Variants in PUDP observed in about 807,000 individuals in gnomAD.
PUDP encodes pseudouridine-5'-phosphatase.
In PUDP, 8 loss-of-function variants were observed where a neutral mutation model predicts 9.4. The ratio of observed to expected loss-of-function variants is 0.85; its 90% CI spans 0.50 to 1.53. The LOEUF (loss-of-function observed/expected upper bound fraction) is 1.53, where lower values mean the gene tolerates loss of function less well. PUDP is among the 40% of genes most tolerant of loss of function. The probability of loss-of-function intolerance (pLI) is 0.00; values close to 1 mark genes in which losing one functional copy is unlikely to be tolerated. For missense variants in PUDP, 188 were observed against 189.7 expected, an observed-to-expected ratio of 0.99 and a Z score of 0.05; for synonymous variants, 99 against 80.7, an observed-to-expected ratio of 1.23 and a Z score of -1.22.
At chrX:6,730,436 C>T (rs903838816) in intron 3 of PUDP, among the ~76,000 whole-genome samples, 8 of 112,171 alleles carry the variant, frequency 7.1e-5, no homozygotes, top group African/African-American at 2.6e-4. Flanking sequence ...AATCACAAAA[C>T]TGGGAATCAC....
At chrX:6,894,928 CTTCAAAAAAGAGGGTGTG>C (rs1235775214) in intron 3 of PUDP, among the ~76,000 whole-genome samples, 1 of 111,294 alleles carries the variant, frequency 9.0e-6, no homozygotes, top group Non-Finnish European at 1.9e-5. Context: ...TCAACAATTA[CTTCAAAAAAGAGGGTGTG>C]TTTGGTCTCC....
chrX:7,066,117 T>A (rs1343034748), intron 3 of PUDP, among the ~76,000 whole-genome samples: 1 of 112,000 alleles, frequency 8.9e-6, no homozygotes, highest in African/African-American at 3.2e-5. Context: ...CTAGATTGTA[T>A]TTTTACTGGC....
At chrX:6,914,075 G>A (rs1392695950) in intron 3 of PUDP, among the ~76,000 whole-genome samples, 1 of 106,633 alleles carries the variant, frequency 9.4e-6, no homozygotes, top group Non-Finnish European at 1.9e-5. Context: ...GCTGAGGCAG[G>A]AGAATGGCGT....
At chrX:7,082,850 G>C (rs1931143626) in intron 2 of PUDP, among the ~76,000 whole-genome samples, 1 of 112,901 alleles carries the variant, frequency 8.9e-6, no homozygotes, top group Non-Finnish European at 1.9e-5. Context: ...TGCTTCAAAA[G>C]CTTTGTGTGA....
chrX:6,830,743 T>C (rs1391136060), intron 3 of PUDP, among the ~76,000 whole-genome samples: 1 of 112,263 alleles, frequency 8.9e-6, no homozygotes, highest in Non-Finnish European at 1.9e-5. Flanking sequence ...AGTGTAGTTA[T>C]CAAAATAAAG....
chrX:7,111,182 G>A (rs1932037768), intron 1 of PUDP, among the ~76,000 whole-genome samples: 1 of 111,453 alleles, frequency 9.0e-6, no homozygotes, highest in African/African-American at 3.3e-5. Context: ...TAAGTTTCCC[G>A]AGGCCTCCCC....
chrX:6,932,226 A>G (rs913777619), intron 3 of PUDP, among the ~76,000 whole-genome samples: 3 of 111,370 alleles, frequency 2.7e-5, no homozygotes, highest in Non-Finnish European at 3.8e-5. Context: ...GATATGGAGC[A>G]GACAGAGGTG....
rs190919954 is a variant in PUDP, at chrX:6,815,583, G to T, written c.*248-109117C>A. Among the ~76,000 whole-genome samples, 12 of 111,365 alleles carry T rather than the reference G, an allele frequency of 1.1e-4. No homozygotes were observed. In the East Asian group the frequency reaches 2.5e-3, roughly 24 times the overall value. ...TTGCCAAATCAGAATCTCTGAGGGT[G>T]AGGCCTAGAACTGGGCAATCTCTAA... is the stretch of plus-strand genomic sequence containing the variant. On this transcript the variant is annotated intron_variant and NMD_transcript_variant, in intron 3 of 3. Transcript: ENST00000655425.
In PUDP at chrX:7,049,257, G is replaced by A. The variant is rs779727336; in HGVS notation, c.*1039C>T. On this transcript the variant is annotated 3_prime_UTR_variant, in exon 4 of 4. Transcript: ENST00000381077. ...ACTCCCGATTTCCATGGCTACCACCGTTTTTCTCTGGCAAATCAGAGACGA... is the reference window on the plus strand; with the variant it reads ...ACTCCCGATTTCCATGGCTACCACCATTTTTCTCTGGCAAATCAGAGACGA... 1.2e-4 allele frequency: 14 copies of A among 112,052 alleles called. No homozygotes were observed. Among genetic ancestry groups the A allele is most frequent in the Admixed American group, 9.5e-5 (1 of 10,542 alleles). The allele number at this position is 112,052 out of a possible 1,213,427, so 9.2% of individuals were successfully genotyped here.
intron 1 of PUDP, among the ~76,000 whole-genome samples, chrX:7,004,359 T>G (rs1929372483): frequency 9.0e-6 from 1 of 111,508 alleles, no homozygotes; most frequent in Non-Finnish European, 1.9e-5. Flanking sequence ...TAATTCCATA[T>G]AGTAAGCCAA....
chrX:6,766,117 AC>A, intron 3 of PUDP, among the ~76,000 whole-genome samples: 1 of 111,817 alleles, frequency 8.9e-6, no homozygotes, highest in Non-Finnish European at 1.9e-5. Context: ...AAAACTGTCA[AC>A]CCAGAACTTT....
At chrX:6,945,810 T>A (rs1370576943) in intron 3 of PUDP, among the ~76,000 whole-genome samples, 1 of 110,863 alleles carries the variant, frequency 9.0e-6, no homozygotes, top group Non-Finnish European at 1.9e-5. Flanking sequence ...GAGATAAACA[T>A]GAATATCGTA....
At chrX:6,710,624 T>C (rs1924520496) in intron 1 of PUDP, among the ~76,000 whole-genome samples, 2 of 111,850 alleles carry the variant, frequency 1.8e-5, no homozygotes, top group Non-Finnish European at 3.8e-5. Flanking sequence ...AAATGAACTA[T>C]TAACACCATC....
intron 3 of PUDP, among the ~76,000 whole-genome samples, chrX:6,948,060 C>T (rs1333159767): frequency 8.9e-6 from 1 of 111,868 alleles, no homozygotes; most frequent in Non-Finnish European, 1.9e-5. Flanking sequence ...AACATGATTC[C>T]CTGCCCTTCC....
chrX:7,121,900 G>A (rs1482687801), intron 1 of PUDP, among the ~76,000 whole-genome samples: 1 of 112,476 alleles, frequency 8.9e-6, no homozygotes. Context: ...TAAAGAATAT[G>A]TTAGCTGGGG....
At chrX:6,797,040 G>GA (rs913089249) in intron 3 of PUDP, among the ~76,000 whole-genome samples, 1 of 110,933 alleles carries the variant, frequency 9.0e-6, no homozygotes, top group African/African-American at 3.3e-5. Context: ...CAATAGAAGA[G>GA]AAAAAAATAA....
intron 2 of PUDP, among the ~76,000 whole-genome samples, chrX:7,092,891 C>T (rs768128826): frequency 8.9e-6 from 1 of 112,801 alleles, no homozygotes; most frequent in African/African-American, 3.2e-5. Flanking sequence ...CTACTCACTA[C>T]AGGCTTTCTA....
At chrX:6,927,486 T>C (rs1235897648) in intron 3 of PUDP, among the ~76,000 whole-genome samples, 1 of 112,223 alleles carries the variant, frequency 8.9e-6, no homozygotes, top group Non-Finnish European at 1.9e-5. Context: ...AGTGCTAAGA[T>C]GCCTATGCAG....
At chrX:6,971,670 C>T (rs1479525002) in intron 3 of PUDP, among the ~76,000 whole-genome samples, 8 of 109,940 alleles carry the variant, frequency 7.3e-5, no homozygotes, top group African/African-American at 2.0e-4. Flanking sequence ...GTGATCTGCC[C>T]GCCTCGGCCT....
Sources: allele counts gnomAD v4.1 joint callset (sites outside exome capture counted in the v4.1 genomes callset), GRCh38; gene constraint gnomAD v4.1.1; transcripts MANE v1.5; gene names NCBI Gene and HGNC (gene_info 2026-07-23, HGNC 2026-07-21).